The following CADM2 variants were observed in gnomAD, a reference collection of about 807,000 sequenced individuals.
CADM2 encodes immunoglobulin superfamily member 4D.
In CADM2, 12 loss-of-function variants were observed where a neutral mutation model predicts 49.8. The ratio of observed to expected loss-of-function variants is 0.24; its 90% confidence interval spans 0.15 to 0.39. The LOEUF (loss-of-function observed/expected upper bound fraction) is 0.39, where lower values mean the gene tolerates loss of function less well. CADM2 is among the 10% of genes least tolerant of loss of function. The pLI, the probability that CADM2 is intolerant of heterozygous loss-of-function variation, is 1.00. For missense variants in CADM2, 378 were observed against 492.3 expected (o/e 0.77, Z 2.20); for synonymous variants, 214 against 175.4 (o/e 1.22, Z -1.74).
intron 4 of CADM2, among the ~76,000 whole-genome samples, chr3:85,885,001 G>A (rs1248980466): frequency 1.3e-5 from 2 of 151,016 alleles, no homozygotes; most frequent in African/African-American, 2.4e-5. Context: ...TACAAGGGAT[G>A]AGCCACCGTA....
At chr3:85,737,912 A>G (rs1344027448) in intron 2 of CADM2, among the ~76,000 whole-genome samples, 1 of 152,104 alleles carries the variant, frequency 6.6e-6, no homozygotes, top group Non-Finnish European at 1.5e-5. Flanking sequence ...AAAATTACCT[A>G]CCAGCAGAAC....
At chr3:85,820,318 T>C (rs1311350016) in intron 3 of CADM2, among the ~76,000 whole-genome samples, 1 of 152,084 alleles carries the variant, frequency 6.6e-6, no homozygotes, top group African/African-American at 2.4e-5. Flanking sequence ...ATTTTCACAG[T>C]AACACTCAGG....
At chr3:85,417,401 C>G (rs531006314) in intron 1 of CADM2, among the ~76,000 whole-genome samples, 1 of 152,246 alleles carries the variant, frequency 6.6e-6, no homozygotes, top group East Asian at 1.9e-4. Context: ...CGAATCGAGG[C>G]CCAACACCAG....
At chr3:85,300,043 T>A (rs561483554) in intron 1 of CADM2, among the ~76,000 whole-genome samples, 1 of 152,128 alleles carries the variant, frequency 6.6e-6, no homozygotes, top group Non-Finnish European at 1.5e-5. Flanking sequence ...ATCTTTTACA[T>A]GTTTTTCTCA....
chr3:85,296,838 C>G (rs1048951704), intron 1 of CADM2, among the ~76,000 whole-genome samples: 3 of 152,192 alleles, frequency 2.0e-5, no homozygotes, highest in Non-Finnish European at 4.4e-5. Context: ...CTTTTGAATA[C>G]AAGTTGCAAA....
At chr3:85,599,554 G>A (rs191391684) in intron 1 of CADM2, among the ~76,000 whole-genome samples, 1 of 151,864 alleles carries the variant, frequency 6.6e-6, no homozygotes, top group Non-Finnish European at 1.5e-5. Context: ...CATTTTCCCT[G>A]TTCCTAATGT....
rs537795396 is a variant in CADM2 at position 85,754,077 on chromosome 3, G to A, written c.88+27529G>A. On this transcript the variant is annotated intron_variant, in intron 2 of 9. Coordinates refer to ENST00000383699, the MANE Select transcript of CADM2 (RefSeq NM_001167675.2). ...CCCTTGGGAGGGGTGCACGTGTCGT[G>A]TGTTTACTGGAGATGTATGCGTGCT... 4.0e-4 allele frequency among the ~76,000 whole-genome samples: 61 copies of A among 152,306 alleles called. 2 individuals are homozygous for A. Among genetic ancestry groups the A allele is most frequent in the Admixed American group, 3.7e-3 (56 of 15,294 alleles).
chr3:85,762,055 T>G (rs1416297359), intron 2 of CADM2, among the ~76,000 whole-genome samples: 1 of 152,014 alleles, frequency 6.6e-6, no homozygotes, highest in Non-Finnish European at 1.5e-5. Flanking sequence ...GAAGAATAAT[T>G]TATTGGGGTT....
intron 1 of CADM2, among the ~76,000 whole-genome samples, chr3:85,300,366 G>A (rs1358365544): frequency 2.6e-5 from 4 of 152,040 alleles, no homozygotes; most frequent in Non-Finnish European, 5.9e-5. Flanking sequence ...TATTTTTTGT[G>A]TTACAATATC....
At chr3:85,998,651 C>T (rs1487696456) in intron 8 of CADM2, among the ~76,000 whole-genome samples, 3 of 151,604 alleles carry the variant, frequency 2.0e-5, no homozygotes, top group Non-Finnish European at 4.4e-5. Context: ...AAGTTTAGAG[C>T]CTATTCAGGA....
chr3:85,703,832 G>A lies in CADM2; in HGVS notation c.62-22690G>A, dbSNP rs1360700216. Reference sequence around the variant, plus strand: ...TTCACATTCAACAGGAACTGAACTGGCCAGAATCCTCATGTCTCACCCCCA... The same window carrying A: ...TTCACATTCAACAGGAACTGAACTGACCAGAATCCTCATGTCTCACCCCCA... On this transcript the variant is annotated intron_variant, in intron 1 of 9. Transcript: ENST00000383699. Among the ~76,000 whole-genome samples the A allele has an allele frequency of 5.3e-5, 8 of 152,028 alleles. No individual in the cohort carries two copies. In the East Asian group the frequency reaches 7.7e-4, roughly 15 times the overall value.
At chr3:85,393,024 T>G (rs1265157298) in intron 1 of CADM2, among the ~76,000 whole-genome samples, 2 of 151,096 alleles carry the variant, frequency 1.3e-5, no homozygotes, top group Non-Finnish European at 2.9e-5. Flanking sequence ...CCATGAACAA[T>G]TTCAGGGATG....
At chr3:85,941,353 G>C (rs1721877151) in intron 7 of CADM2, among the ~76,000 whole-genome samples, 1 of 151,984 alleles carries the variant, frequency 6.6e-6, no homozygotes, top group African/African-American at 2.4e-5. Flanking sequence ...TGGAATCCAA[G>C]ATTTCAAGCA....
chr3:85,685,615 CTTTTTTTTTTTTT>C (rs59277971), intron 1 of CADM2, among the ~76,000 whole-genome samples: 1 of 122,006 alleles, frequency 8.2e-6, no homozygotes, highest in African/African-American at 2.9e-5. Flanking sequence ...TTCTTTCTTT[CTTTTTTTTTTTTT>C]TTTTTTTGTT....
At chr3:85,293,082 A>T (rs138914932) in intron 1 of CADM2, among the ~76,000 whole-genome samples, 4,259 of 152,236 alleles carry the variant, frequency 0.028, 184 homozygotes, top group African/African-American at 0.096. Flanking sequence ...TCAAATAGAC[A>T]TAATAAAAAA....
chr3:85,800,057 C>A (rs1465664452), intron 2 of CADM2: 2 of 152,270 alleles, frequency 1.3e-5, no homozygotes, highest in Non-Finnish European at 2.9e-5. Context: ...ACTACGGCTG[C>A]TGCCTTTCTT....
At chr3:85,281,389 C>T (rs1006990965) in intron 1 of CADM2, among the ~76,000 whole-genome samples, 2 of 151,772 alleles carry the variant, frequency 1.3e-5, no homozygotes, top group South Asian at 2.1e-4. Context: ...ACATTTCTGT[C>T]GATCAAACCT....
intron 1 of CADM2, among the ~76,000 whole-genome samples, chr3:85,040,428 T>A (rs1279404114): frequency 6.6e-6 from 1 of 152,064 alleles, no homozygotes. Context: ...GCAACTGAAG[T>A]GATAGAAACT....
chr3:85,872,660 C>T (rs2075974591), intron 3 of CADM2, among the ~76,000 whole-genome samples: 1 of 149,754 alleles, frequency 6.7e-6, no homozygotes, highest in South Asian at 2.1e-4. Context: ...TTCATACATA[C>T]AATGTATACA....
Sources: allele counts gnomAD v4.1 joint callset (sites outside exome capture counted in the v4.1 genomes callset), GRCh38; gene constraint gnomAD v4.1.1; transcripts MANE v1.5; gene names NCBI Gene and HGNC (gene_info 2026-07-23, HGNC 2026-07-21).